The following PKNOX2 variants were observed in gnomAD, a reference collection of about 807,000 sequenced individuals.
The protein encoded by PKNOX2 is PBX/knotted 1 homeobox 2.
A neutral mutation model predicts 53.1 loss-of-function variants in PKNOX2; 14 were observed. The ratio of observed to expected loss-of-function variants is 0.26; its 90% CI spans 0.17 to 0.41. PKNOX2 has a LOEUF of 0.41. Among genes scored for constraint, PKNOX2 ranks in the 10% least tolerant of loss-of-function variants. The pLI, the probability that PKNOX2 is intolerant of heterozygous loss-of-function variation, is 1.00. For missense variants in PKNOX2, 496 were observed against 602.8 expected (o/e 0.82, Z 1.85); for synonymous variants, 257 against 242.8 (o/e 1.06, Z -0.54).
intron 2 of PKNOX2, among the ~76,000 whole-genome samples, chr11:125,259,857 C>T (rs1340761588): frequency 1.3e-5 from 2 of 152,062 alleles, no homozygotes; most frequent in Non-Finnish European, 2.9e-5. Flanking sequence ...CCATCCCACC[C>T]CCATTCTTTT....
At chr11:125,416,290 G>A (rs535943259) in intron 10 of PKNOX2, among the ~76,000 whole-genome samples, 2 of 123,568 alleles carry the variant, frequency 1.6e-5, no homozygotes, top group Non-Finnish European at 1.6e-5. Flanking sequence ...GCGACAGAGC[G>A]AGACGCCGTC....
chr11:125,206,524 C>T (rs1014092271), intron 1 of PKNOX2, among the ~76,000 whole-genome samples: 2 of 152,000 alleles, frequency 1.3e-5, no homozygotes, highest in Admixed American at 1.3e-4. Flanking sequence ...TGCTAAGGAG[C>T]GTAGAGTTCT....
At chr11:125,393,058 G>A (rs1227283164) in intron 6 of PKNOX2, among the ~76,000 whole-genome samples, 1 of 151,748 alleles carries the variant, frequency 6.6e-6, no homozygotes, top group African/African-American at 2.4e-5. Context: ...CTGCTTGGGA[G>A]GCTGAGGCAG....
At chr11:125,393,147 A>G (rs1394037965) in intron 6 of PKNOX2, among the ~76,000 whole-genome samples, 5 of 150,070 alleles carry the variant, frequency 3.3e-5, no homozygotes, top group Non-Finnish European at 5.9e-5. Context: ...GCGACAGAGC[A>G]AGACTCGTCT....
At chr11:125,401,974 G>C (rs1954784135) in intron 7 of PKNOX2, among the ~76,000 whole-genome samples, 2 of 152,284 alleles carry the variant, frequency 1.3e-5, no homozygotes, top group South Asian at 4.1e-4. Context: ...GGTTTTCCCT[G>C]TGTGCTAATC....
intron 10 of PKNOX2, among the ~76,000 whole-genome samples, chr11:125,416,175 C>T (rs564339403): frequency 1.9e-4 from 28 of 151,260 alleles, no homozygotes; most frequent in Middle Eastern, 3.4e-3. Flanking sequence ...TGGTGGCGGG[C>T]GCCTGTAGTC....
intron 4 of PKNOX2, among the ~76,000 whole-genome samples, chr11:125,357,943 G>T (rs767879467): frequency 1.3e-5 from 2 of 152,186 alleles, no homozygotes; most frequent in Non-Finnish European, 2.9e-5. Context: ...ACATTGTGCT[G>T]TGTACTGGGG....
chr11:125,371,825 G>A (rs983773230), intron 5 of PKNOX2, among the ~76,000 whole-genome samples: 8 of 152,166 alleles, frequency 5.3e-5, no homozygotes, highest in African/African-American at 1.9e-4. Flanking sequence ...TGAGGGCAGT[G>A]GTGCTTTGCC....
Position 125,431,290 on chromosome 11 carries a change from G to C in PKNOX2, c.1317G>C (p.Glu439Asp), listed in dbSNP as rs1956689862. 1 of 1,612,102 alleles carries C rather than the reference G, an allele frequency of 6.2e-7. No individual in the cohort carries two copies. The highest frequency in any genetic ancestry group is 1.7e-5 in the Admixed American group (1 of 59,894). The change falls in exon 13 of 13, where the codon GAG (glutamate) becomes GAC (aspartate). Residue 439 changes from glutamate (E) to aspartate (D), a missense_variant. By Grantham distance (45) the Glu-to-Asp change is conservative. Coordinates refer to ENST00000298282, the MANE Select transcript of PKNOX2 (RefSeq NM_001382323.2). The stretch of plus-strand genomic sequence containing the variant: ...GGACAGAAGAAGAGGATGAGGATGA[G>C]ATGGAAGAGGAGGAGGAGGAGGAGC... ...LDGTEEEDEDEMEEEEEEELE... is the reference protein window; with the variant it reads ...LDGTEEEDEDDMEEEEEEELE...
intron 1 of PKNOX2, among the ~76,000 whole-genome samples, chr11:125,193,886 C>T (rs1957021225): frequency 6.6e-6 from 1 of 152,172 alleles, no homozygotes; most frequent in Non-Finnish European, 1.5e-5. Flanking sequence ...GCTTTCCAAG[C>T]CTCAGTTTCC....
intron 4 of PKNOX2, among the ~76,000 whole-genome samples, chr11:125,355,025 G>A (rs1233214770): frequency 6.6e-6 from 1 of 152,144 alleles, no homozygotes; most frequent in African/African-American, 2.4e-5. Flanking sequence ...CCAGCACTTT[G>A]GGAGGCTGAG....
At chr11:125,413,162 C>G (rs1260331638) in intron 10 of PKNOX2, among the ~76,000 whole-genome samples, 3 of 152,194 alleles carry the variant, frequency 2.0e-5, no homozygotes, top group Non-Finnish European at 4.4e-5. Context: ...GTCTGAACAC[C>G]TACAGTTTCC....
At chr11:125,335,046 G>T (rs1950360669) in intron 3 of PKNOX2, among the ~76,000 whole-genome samples, 1 of 152,154 alleles carries the variant, frequency 6.6e-6, no homozygotes, top group Admixed American at 6.5e-5. Flanking sequence ...CTCAGAAAAT[G>T]CCAGTTCCTG....
At position 125,165,175 on chromosome 11, in the gene PKNOX2, G is replaced by A. The variant is rs1221814777; in HGVS notation, c.-201+399G>A. Among the ~76,000 whole-genome samples the A allele has an allele frequency of 6.7e-6, 1 of 150,074 alleles. No individual in the cohort carries two copies. The highest frequency in any genetic ancestry group is 1.5e-5 in the Non-Finnish European group (1 of 67,422). ...CCGCCGCCGCCGCCGCCGCCTCGCC[G>A]CGCTTGGGCCCGTGGCCGGCCGCGC... On this transcript the variant is annotated intron_variant, in intron 1 of 12. Transcript: ENST00000298282. The surrounding 1 kb of genome is among the most constrained non-coding windows in gnomAD (Gnocchi z 4.5).
intron 1 of PKNOX2, among the ~76,000 whole-genome samples, chr11:125,172,992 C>A (rs534215930): frequency 6.6e-6 from 1 of 152,170 alleles, no homozygotes. Flanking sequence ...GTTGAGACAG[C>A]GTGGGGCTAG....
At chr11:125,377,345 C>G (rs549886929) in intron 5 of PKNOX2, among the ~76,000 whole-genome samples, 1 of 152,122 alleles carries the variant, frequency 6.6e-6, no homozygotes, top group African/African-American at 2.4e-5. Context: ...TGTGAGGGCT[C>G]GGAGGAGGCG....
chr11:125,187,149 A>C (rs1956498306), intron 1 of PKNOX2, among the ~76,000 whole-genome samples: 1 of 152,082 alleles, frequency 6.6e-6, no homozygotes, highest in Admixed American at 6.6e-5. Flanking sequence ...GAAGTGTGAG[A>C]TTTCCAACTT....
chr11:125,431,464 G>C lies in PKNOX2; in HGVS notation c.*72G>C. The C allele has an allele frequency of 2.6e-5, 8 of 302,800 alleles. No homozygotes were observed. Among genetic ancestry groups the C allele is most frequent in the Admixed American group, 3.5e-5 (1 of 28,702 alleles). 18.8% of individuals were successfully genotyped at this position (302,800 alleles called of 1,614,324 possible). ...GCCGGGAGGCCTTCAGGGTGGGGGG[G>C]AAGGGGACATGGGCAGGAAGCACCG... On this transcript the variant is annotated 3_prime_UTR_variant, in exon 13 of 13. Transcript: ENST00000298282.
chr11:125,178,646 G>GAAAGAAAGAAAGAAGGAAGT (rs1470598420), intron 1 of PKNOX2, among the ~76,000 whole-genome samples: 1 of 74,422 alleles, frequency 1.3e-5, no homozygotes, highest in Non-Finnish European at 2.4e-5. Flanking sequence ...AAGAAAGAAA[G>GAAAGAAAGAAAGAAGGAAGT]AAGGAAGGAA....
Sources: gnomAD v4.1 joint callset for allele counts (sites outside exome capture counted in the v4.1 genomes callset) on GRCh38, gnomAD v4.1.1 for gene constraint, Gnocchi (gnomAD v3.1) non-coding constraint, MANE v1.5 for transcripts, NCBI Gene and HGNC (gene_info 2026-07-23, HGNC 2026-07-21) for gene names.